Variants in GRIN2B observed in about 807,000 individuals in gnomAD.
The protein encoded by GRIN2B is glutamate ionotropic receptor NMDA type subunit 2B, also known as glutamate receptor ionotropic, NMDA 2B.
A neutral mutation model predicts 114.5 loss-of-function variants in GRIN2B; 5 were observed. The ratio of observed to expected loss-of-function variants is 0.04; its 90% CI spans 0.02 to 0.09. The LOEUF (loss-of-function observed/expected upper bound fraction) is 0.09, where lower values mean the gene tolerates loss of function less well. Ranked by LOEUF, GRIN2B falls within the 10% of genes least tolerant of loss-of-function variation. The pLI is 1.00. For missense variants in GRIN2B, 1,108 were observed against 1,943.5 expected (o/e 0.57, Z 8.08); for synonymous variants, 787 against 745.1 (o/e 1.06, Z -0.92).
At chr12:13,702,520 A>T (rs1412209265) in intron 4 of GRIN2B, among the ~76,000 whole-genome samples, 1 of 152,192 alleles carries the variant, frequency 6.6e-6, no homozygotes, top group Non-Finnish European at 1.5e-5. Context: ...ATAAGCGGCT[A>T]TCAACTAAAC....
chr12:13,922,522 G>A (rs7962533), intron 2 of GRIN2B, among the ~76,000 whole-genome samples: 4,240 of 152,280 alleles, frequency 0.028, 200 homozygotes, highest in African/African-American at 0.097. Flanking sequence ...GGGCAAGACT[G>A]TAAAACTCAT....
intron 2 of GRIN2B, among the ~76,000 whole-genome samples, chr12:13,960,475 G>A (rs1361927850): frequency 1.3e-5 from 2 of 152,024 alleles, no homozygotes; most frequent in Non-Finnish European, 2.9e-5. Flanking sequence ...GCCTTTTTGT[G>A]GCAAGAGGAT....
chr12:13,978,904 A>G (rs574416520), intron 2 of GRIN2B, among the ~76,000 whole-genome samples: 1 of 152,350 alleles, frequency 6.6e-6, no homozygotes, highest in South Asian at 2.1e-4. Flanking sequence ...GTACATTAAA[A>G]TACTGCCTAA....
chr12:13,852,623 G>T (rs1346279389), intron 3 of GRIN2B, among the ~76,000 whole-genome samples: 1 of 149,460 alleles, frequency 6.7e-6, no homozygotes, highest in African/African-American at 2.5e-5. Context: ...TGACTTAAAA[G>T]GTTATTTCAT....
chr12:13,604,985 C>T (rs117941167), intron 10 of GRIN2B, among the ~76,000 whole-genome samples: 4,832 of 152,120 alleles, frequency 0.032, 97 homozygotes, highest in South Asian at 0.067. Context: ...TGACTTGTTG[C>T]TTTCTTTGCC....
chr12:13,740,310 C>T (rs1484662967), intron 4 of GRIN2B, among the ~76,000 whole-genome samples: 6 of 152,138 alleles, frequency 3.9e-5, no homozygotes, highest in Non-Finnish European at 4.4e-5. Flanking sequence ...TGAAGACAAT[C>T]AGATGAATGC....
chr12:13,733,858 A>G (rs1660983183), intron 4 of GRIN2B, among the ~76,000 whole-genome samples: 2 of 152,240 alleles, frequency 1.3e-5, no homozygotes, highest in South Asian at 4.1e-4. Context: ...TTTCTTTCCA[A>G]GTAAGCATCT....
chr12:13,693,510 G>A (rs565377065), intron 4 of GRIN2B, among the ~76,000 whole-genome samples: 1 of 152,150 alleles, frequency 6.6e-6, no homozygotes, highest in East Asian at 1.9e-4. Context: ...AGCAGCACTC[G>A]TGGAGAGCCC....
chr12:13,873,907 C>T (rs955484022), intron 2 of GRIN2B, among the ~76,000 whole-genome samples: 3 of 152,150 alleles, frequency 2.0e-5, no homozygotes, highest in Non-Finnish European at 4.4e-5. Context: ...AAATCAAAAC[C>T]TTCATTAAAG....
intron 2 of GRIN2B, among the ~76,000 whole-genome samples, chr12:13,882,952 G>C (rs528976941): frequency 6.6e-6 from 1 of 152,258 alleles, no homozygotes; most frequent in South Asian, 2.1e-4. Context: ...GACAATCACT[G>C]ATGTGATTTC....
At chr12:13,698,223 C>A (rs1048130918) in intron 4 of GRIN2B, among the ~76,000 whole-genome samples, 1 of 152,196 alleles carries the variant, frequency 6.6e-6, no homozygotes, top group Non-Finnish European at 1.5e-5. Flanking sequence ...GGAGTTGGGG[C>A]GCGGGGCGCG....
intron 2 of GRIN2B, among the ~76,000 whole-genome samples, chr12:13,962,857 C>T (rs962158459): frequency 1.3e-5 from 2 of 152,186 alleles, no homozygotes; most frequent in Non-Finnish European, 2.9e-5. Context: ...CCTCGTCGTC[C>T]GCTAGGCAAG....
chr12:13,692,590 G>T (rs910771164), intron 4 of GRIN2B, among the ~76,000 whole-genome samples: 4 of 151,970 alleles, frequency 2.6e-5, no homozygotes, highest in South Asian at 2.1e-4. Flanking sequence ...CATGGTGCCA[G>T]CATGAGCAAG....
chr12:13,792,301 G>A (rs192065418), intron 3 of GRIN2B, among the ~76,000 whole-genome samples: 1 of 152,294 alleles, frequency 6.6e-6, no homozygotes, highest in East Asian at 1.9e-4. Context: ...CTTACTTAAA[G>A]GAAAGGAAGG....
At chr12:13,692,913 C>A (rs1026359968) in intron 4 of GRIN2B, among the ~76,000 whole-genome samples, 6 of 150,996 alleles carry the variant, frequency 4.0e-5, no homozygotes, top group Non-Finnish European at 7.4e-5. Flanking sequence ...GGATTACAGG[C>A]GCCTGCCACC....
intron 2 of GRIN2B, among the ~76,000 whole-genome samples, chr12:13,945,008 T>A (rs1246443411): frequency 6.6e-6 from 1 of 152,200 alleles, no homozygotes; most frequent in Non-Finnish European, 1.5e-5. Context: ...GAGTTGTTTA[T>A]CATAAATCAC....
chr12:13,613,449 G>T lies in GRIN2B; in HGVS notation c.1655-1599C>A, dbSNP rs147444532. Among the ~76,000 whole-genome samples, 878 of 152,138 alleles carry T rather than the reference G, an allele frequency of 5.8e-3. 5 individuals carry two copies. The highest frequency in any genetic ancestry group is 0.014 in the Middle Eastern group (4 of 294). On this transcript the variant is annotated intron_variant, in intron 8 of 13. Transcript: ENST00000609686. Reference sequence around the variant, plus strand: ...AGTAAACTAGGACTGAGAGGTCAAGGTTCTTTCCAATTCATACTCAGAAAG... The same window carrying T: ...AGTAAACTAGGACTGAGAGGTCAAGTTTCTTTCCAATTCATACTCAGAAAG...
intron 2 of GRIN2B, among the ~76,000 whole-genome samples, chr12:13,958,249 G>A (rs1418239019): frequency 6.6e-6 from 1 of 152,172 alleles, no homozygotes; most frequent in Admixed American, 6.5e-5. Context: ...TGGCACTGAA[G>A]TGGACTAAAG....
At chr12:13,932,462 C>T (rs924559886) in intron 2 of GRIN2B, among the ~76,000 whole-genome samples, 1 of 152,202 alleles carries the variant, frequency 6.6e-6, no homozygotes, top group Non-Finnish European at 1.5e-5. Flanking sequence ...TCACTACATT[C>T]CCAGTGGCTA....
Sources: allele counts gnomAD v4.1 joint callset (sites outside exome capture counted in the v4.1 genomes callset), GRCh38; gene constraint gnomAD v4.1.1; transcripts MANE v1.5; gene names NCBI Gene and HGNC (gene_info 2026-07-23, HGNC 2026-07-21).